PDLIM7: variants seen among roughly 807,000 people sequenced by gnomAD.
The protein encoded by PDLIM7 is PDZ and LIM domain protein 7.
In PDLIM7, 37 loss-of-function variants were observed where a neutral mutation model predicts 53.9. The ratio of observed to expected loss-of-function variants is 0.69; its 90% CI spans 0.53 to 0.90. The LOEUF is 0.90. Ranked by LOEUF, PDLIM7 falls within the 40% of genes least tolerant of loss-of-function variation. PDLIM7 has a pLI of 0.00. For missense variants in PDLIM7, 617 were observed against 638.5 expected (o/e 0.97, Z 0.36); for synonymous variants, 300 against 261.3 (o/e 1.15, Z -1.43).
At chr5:177,489,721 C>A (rs1758648634) in intron 8 of PDLIM7, 50 bp downstream of exon 8, 1 of 1,488,750 alleles carries the variant, frequency 6.7e-7, no homozygotes, top group Middle Eastern at 1.8e-4. Flanking sequence ...CACCCCCATG[C>A]CCCTGGAGGC....
intron 2 of PDLIM7, among the ~76,000 whole-genome samples, chr5:177,493,998 C>T (rs995759876): frequency 1.3e-5 from 2 of 152,126 alleles, no homozygotes; most frequent in East Asian, 1.9e-4. Flanking sequence ...GCGAGCTGGG[C>T]TCAACATGAC....
rs927021182 is a variant in PDLIM7, at chr5:177,483,867, C to T, written c.1287G>A (p.Ala429=). Residue 429 remains alanine, a splice_region_variant and synonymous_variant, in exon 12 of 13, where the codon GCG becomes GCA. Coordinates refer to ENST00000355841, the MANE Select transcript of PDLIM7 (RefSeq NM_005451.5). ...FSWHDTCFVC[A]ICQINLEGKT... is the part of the protein sequence containing the mutation. Reference sequence around the variant, plus strand: ...TCAGTTCGAGGGGCGGGGCTCTCACCGCACAGACGAAGCAGGTGTCATGCC... The same window carrying T: ...TCAGTTCGAGGGGCGGGGCTCTCACTGCACAGACGAAGCAGGTGTCATGCC... The T allele has an allele frequency of 5.0e-6, 8 of 1,612,786 alleles. No individual in the cohort carries two copies. In the Admixed American group the frequency reaches 5.0e-5, roughly 10 times the overall value.
intron 2 of PDLIM7, among the ~76,000 whole-genome samples, chr5:177,494,032 A>G (rs764198894): frequency 2.0e-5 from 3 of 152,180 alleles, no homozygotes; most frequent in Non-Finnish European, 2.9e-5. Context: ...AGGAGGTCAG[A>G]AGGCTAAGAG....
At chr5:177,494,308 C>A (rs544969023) in intron 2 of PDLIM7, among the ~76,000 whole-genome samples, 21 of 152,242 alleles carry the variant, frequency 1.4e-4, no homozygotes, top group Non-Finnish European at 2.6e-4. Context: ...GGGGGCCCAA[C>A]TGAGGGGTCA....
chr5:177,489,525 T>G lies in PDLIM7; in HGVS notation c.737A>C (p.His246Pro). ...CGGCGTGGGCGTGGCCGGCTGGCTG[T>G]GCCGGGTCAGCACTGTGCTCGTTTT... is the stretch of plus-strand genomic sequence containing the variant. ...PDKTSTVLTR[H>P]SQPATPTPLQ... is the part of the protein sequence containing the mutation. Residue 246 changes from histidine to proline, a missense_variant, in exon 9 of 13, where the codon CAC (histidine) becomes CCC (proline). Physicochemically the swap from His to Pro is moderately conservative, Grantham distance 77 (BLOSUM62 -2). Coordinates refer to ENST00000355841, the MANE Select transcript of PDLIM7 (RefSeq NM_005451.5). 6.2e-7 allele frequency: 1 copy of G among 1,609,620 alleles called. No homozygotes were observed. Among genetic ancestry groups the G allele is most frequent in the South Asian group, 1.1e-5 (1 of 90,356 alleles).
At chr5:177,489,243 G>T (rs905048473) in intron 9 of PDLIM7, 150 bp downstream of exon 9, 3 of 649,518 alleles carry the variant, frequency 4.6e-6, no homozygotes, top group Non-Finnish European at 8.0e-6. Flanking sequence ...TTAAGAATGG[G>T]AGGACCCAGC....
intron 1 of PDLIM7, among the ~76,000 whole-genome samples, chr5:177,497,099 G>A (rs1455032849): frequency 6.7e-6 from 1 of 150,094 alleles, no homozygotes; most frequent in African/African-American, 2.4e-5. Context: ...GAGGCTGCTG[G>A]GAGCCAGGGC....
Position 177,483,667 on chromosome 5 carries a change from T to C in PDLIM7, c.1351A>G (p.Ser451Gly). ...YSKKDRPLCK[S>G]HAFSHV ...GCTCACACATGAGAGAAGGCATGGC[T>C]CTTGCAGAGAGGCCTGTCCTTCTTG... The change falls in exon 13 of 13, where the codon AGC becomes GGC. Residue 451 changes from serine (S) to glycine (G), a missense_variant. Ser to Gly is a moderately conservative substitution (Grantham distance 56). Coordinates refer to ENST00000355841, the MANE Select transcript of PDLIM7 (RefSeq NM_005451.5). 6.2e-7 allele frequency: 1 copy of C among 1,612,374 alleles called. No individual in the cohort carries two copies. The highest frequency in any genetic ancestry group is 8.5e-7 in the Non-Finnish European group (1 of 1,178,566).
At position 177,496,291 on chromosome 5, in the gene PDLIM7, C is replaced by T. The variant is rs982125291; in HGVS notation, c.96+126G>A. 15 of 640,798 alleles carry T rather than the reference C, an allele frequency of 2.3e-5. No individual in the cohort carries two copies. The East Asian group carries it at 4.6e-4, about 19-fold the overall frequency. 39.7% of individuals were successfully genotyped at this position (640,798 alleles called of 1,614,324 possible). A position where few individuals can be genotyped will look rare whatever the true frequency, so the allele number is the denominator to read the frequency against. ...TGGCAGGCAGGTACCACTACATCTC[C>T]GGACCTAGACATCTCCTGGCCTGCT... On this transcript the variant is annotated intron_variant, in intron 2 of 12. Coordinates refer to ENST00000355841, the MANE Select transcript of PDLIM7 (RefSeq NM_005451.5).
rs142006779 is a variant in PDLIM7 at position 177,492,540 on chromosome 5, G to A, written c.234C>T (p.Ser78=). 1.9e-6 allele frequency: 3 copies of A among 1,613,514 alleles called. No individual in the cohort carries two copies. The highest frequency in any genetic ancestry group is 2.5e-6 in the Non-Finnish European group (3 of 1,179,674). Residue 78 remains serine (S), a synonymous_variant, in exon 3 of 13, where the codon AGC becomes AGT. Transcript: ENST00000355841. The part of the protein sequence containing the change: ...NKIRACGERL[S]LGLSRAQPVQ... ...CACCCGCATACCTGCTGAGGCCCAG[G>A]CTGAGGCGCTCCCCGCAGGCCCGGA...
Position 177,491,940 on chromosome 5 carries a change from A to G in PDLIM7, c.280-15T>C. The G allele has an allele frequency of 7.9e-6, 2 of 253,270 alleles. No individual in the cohort carries two copies. Among genetic ancestry groups the G allele is most frequent in the Middle Eastern group, 1.6e-3 (1 of 642 alleles). 15.7% of individuals were successfully genotyped at this position (253,270 alleles called of 1,614,324 possible). On this transcript the variant is annotated splice_polypyrimidine_tract_variant and intron_variant, in intron 4 of 12. Transcript: ENST00000355841. ...GGGGCGGAGGCCTGGGCAGAGACACAGCCGGGCAGGGCGGGCGGGCAGGGT... is the reference window on the plus strand; with the variant it reads ...GGGGCGGAGGCCTGGGCAGAGACACGGCCGGGCAGGGCGGGCGGGCAGGGT...
chr5:177,486,776 C>T lies in PDLIM7; in HGVS notation c.1050+1292G>A, dbSNP rs931311984. Among the ~76,000 whole-genome samples the T allele has an allele frequency of 4.6e-5, 7 of 151,594 alleles. No individual in the cohort carries two copies. The East Asian group carries it at 1.2e-3, about 25-fold the overall frequency. ...GCCTCAGCCTCCCGAGTAGCTGGGA[C>T]TACTCCACCATGCCCGGCCAATTTT... On this transcript the variant is annotated intron_variant, in intron 10 of 12. Transcript: ENST00000355841.
Position 177,496,464 on chromosome 5 carries a change from G to T in PDLIM7, c.49C>A (p.Arg17=), listed in dbSNP as rs1430970578. Reference sequence around the variant, plus strand: ...TTGAAGTCCTTGCCCCCTTGCAGCCGGAAGCCCCAAGGTGCTGGCCCCTCC... The same window carrying T: ...TTGAAGTCCTTGCCCCCTTGCAGCCTGAAGCCCCAAGGTGCTGGCCCCTCC... ...VLEGPAPWGF[R]LQGGKDFNVP... The change falls in exon 2 of 13, where the codon CGG becomes AGG. Residue 17 remains arginine (R), a synonymous_variant. Transcript: ENST00000355841. 1.2e-6 allele frequency: 2 copies of T among 1,604,834 alleles called. No homozygotes were observed. The highest frequency in any genetic ancestry group is 1.7e-6 in the Non-Finnish European group (2 of 1,175,576).
chr5:177,495,607 A>C (rs1759032468), intron 2 of PDLIM7, among the ~76,000 whole-genome samples: 1 of 152,224 alleles, frequency 6.6e-6, no homozygotes, highest in Admixed American at 6.5e-5. Context: ...AGTGGGGTTC[A>C]GGGGGCCAGG....
At chr5:177,495,769 G>T (rs1054657168) in intron 2 of PDLIM7, among the ~76,000 whole-genome samples, 1 of 152,118 alleles carries the variant, frequency 6.6e-6, no homozygotes, top group Non-Finnish European at 1.5e-5. Context: ...CTTGGAAGCT[G>T]AAGTTAAGCC....
chr5:177,487,066 C>G (rs556539406), intron 10 of PDLIM7, among the ~76,000 whole-genome samples: 3 of 149,222 alleles, frequency 2.0e-5, no homozygotes, highest in South Asian at 4.3e-4. Context: ...TCCCAAGTAG[C>G]TGGGACTACA....
chr5:177,489,835 G>C lies in PDLIM7; in HGVS notation c.573-3C>G, dbSNP rs773039245. The C allele has an allele frequency of 6.3e-7, 1 of 1,584,320 alleles. No homozygotes were observed. The highest frequency in any genetic ancestry group is 1.1e-5 in the South Asian group (1 of 87,084). ...GGGCTTCTGTCCTGGGCACCTGGCT[G>C]CAAGATCTGCCATTCAAGGCCCTGC... On this transcript the variant is annotated splice_region_variant and splice_polypyrimidine_tract_variant and intron_variant, in intron 7 of 12. Coordinates refer to ENST00000355841, the MANE Select transcript of PDLIM7 (RefSeq NM_005451.5).
At chr5:177,492,474 C>A in intron 3 of PDLIM7, 39 bp from the exon 4 acceptor site, 1 of 1,613,598 alleles carries the variant, frequency 6.2e-7, no homozygotes, top group Non-Finnish European at 8.5e-7. Context: ...GCCGGGCCCG[C>A]AGGGATCCCC....
chr5:177,493,386 G>C (rs1014274645), intron 2 of PDLIM7, among the ~76,000 whole-genome samples: 1 of 152,252 alleles, frequency 6.6e-6, no homozygotes, highest in Admixed American at 6.5e-5. Context: ...AGGCTCTTGA[G>C]CTGGGAGTCC....
Sources: gnomAD v4.1 joint callset for allele counts (sites outside exome capture counted in the v4.1 genomes callset) on GRCh38, gnomAD v4.1.1 for gene constraint, MANE v1.5 for transcripts, NCBI Gene and HGNC (gene_info 2026-07-23, HGNC 2026-07-21) for gene names.